The following CCSER1 variants were observed in gnomAD, a reference collection of about 807,000 sequenced individuals.
CCSER1 encodes serine-rich coiled-coil domain-containing protein 1.
In CCSER1, 41 loss-of-function variants were observed where a neutral mutation model predicts 82.0. That is an observed-to-expected ratio of 0.50 (90% CI 0.39 to 0.65). The LOEUF (loss-of-function observed/expected upper bound fraction) is 0.65, where lower values mean the gene tolerates loss of function less well. Ranked by LOEUF, CCSER1 falls within the 30% of genes least tolerant of loss-of-function variation. The pLI is 0.00. For missense variants in CCSER1, 1,119 were observed against 1,064.2 expected, an observed-to-expected ratio of 1.05 and a Z score of -0.72; for synonymous variants, 414 against 383.9, an observed-to-expected ratio of 1.08 and a Z score of -0.92.
chr4:90,933,336 C>T (rs571200534), intron 9 of CCSER1, among the ~76,000 whole-genome samples: 2,981 of 151,380 alleles, frequency 0.02, 37 homozygotes, highest in Non-Finnish European at 0.032. Context: ...TACAGGCGCC[C>T]GCCACCACGC....
chr4:90,398,163 C>G (rs994526731), intron 3 of CCSER1, among the ~76,000 whole-genome samples: 1 of 152,160 alleles, frequency 6.6e-6, no homozygotes, highest in African/African-American at 2.4e-5. Context: ...CTTCATCACT[C>G]TCTGTGTGTG....
chr4:90,982,633 CA>C (rs70965464), intron 9 of CCSER1, among the ~76,000 whole-genome samples: 4,128 of 150,626 alleles, frequency 0.027, 186 homozygotes, highest in African/African-American at 0.095. Context: ...AGCATCTAAA[CA>C]AAAAAAAATT....
intron 4 of CCSER1, among the ~76,000 whole-genome samples, chr4:90,416,530 C>A (rs1715794879): frequency 6.6e-6 from 1 of 152,242 alleles, no homozygotes; most frequent in East Asian, 1.9e-4. Context: ...ATAATCCTAT[C>A]TAAATGAGTG....
At chr4:91,184,418 T>A (rs1734335151) in intron 10 of CCSER1, among the ~76,000 whole-genome samples, 1 of 152,220 alleles carries the variant, frequency 6.6e-6, no homozygotes, top group African/African-American at 2.4e-5. Flanking sequence ...TTTTTTGGAA[T>A]TATAGCAGGA....
At chr4:91,080,130 C>T (rs1348558279) in intron 9 of CCSER1, among the ~76,000 whole-genome samples, 1 of 152,224 alleles carries the variant, frequency 6.6e-6, no homozygotes, top group Non-Finnish European at 1.5e-5. Context: ...CTAAGCACCA[C>T]ATCACACTTA....
intron 10 of CCSER1, among the ~76,000 whole-genome samples, chr4:91,352,685 G>A (rs111755935): frequency 0.02 from 3,023 of 152,250 alleles, 90 homozygotes; most frequent in African/African-American, 0.067. Context: ...TATGCTTACC[G>A]TTAAAAGTGA....
chr4:91,032,931 T>G (rs1364212301), intron 9 of CCSER1, among the ~76,000 whole-genome samples: 2 of 152,332 alleles, frequency 1.3e-5, no homozygotes, highest in African/African-American at 2.4e-5. Context: ...GCAAGACTTC[T>G]TTGGTAGTTC....
intron 10 of CCSER1, among the ~76,000 whole-genome samples, chr4:91,369,088 T>C (rs920207569): frequency 1.3e-5 from 2 of 152,210 alleles, no homozygotes; most frequent in African/African-American, 4.8e-5. Flanking sequence ...CTTTTATCCC[T>C]GTTCTTTTGA....
At chr4:90,270,139 G>A (rs1578860323) in intron 1 of CCSER1, among the ~76,000 whole-genome samples, 1 of 152,098 alleles carries the variant, frequency 6.6e-6, no homozygotes, top group East Asian at 1.9e-4. Flanking sequence ...AAATATTATA[G>A]GAAGTGGGAA....
chr4:90,608,019 C>T (rs1054130546), intron 5 of CCSER1, among the ~76,000 whole-genome samples: 4 of 152,220 alleles, frequency 2.6e-5, no homozygotes, highest in Non-Finnish European at 5.9e-5. Flanking sequence ...TGACTCCTCA[C>T]ATTTCCTAAG....
chr4:90,205,443 C>T (rs6830506), intron 1 of CCSER1, among the ~76,000 whole-genome samples: 85,878 of 151,934 alleles, frequency 0.57, 24,921 homozygotes, highest in African/African-American at 0.69. Flanking sequence ...TTTTCTGCAT[C>T]TATTGAGATA....
chr4:91,521,977 T>A (rs947492738), intron 10 of CCSER1, among the ~76,000 whole-genome samples: 1 of 152,208 alleles, frequency 6.6e-6, no homozygotes, highest in Non-Finnish European at 1.5e-5. Flanking sequence ...CTGAATGGTA[T>A]TGCCTAGATT....
chr4:90,777,646 T>C (rs888291417), intron 7 of CCSER1, among the ~76,000 whole-genome samples: 2 of 152,160 alleles, frequency 1.3e-5, no homozygotes, highest in East Asian at 1.9e-4. Context: ...CTGTACAATA[T>C]AGATATTAAT....
At chr4:91,276,253 T>C (rs1742427698) in intron 10 of CCSER1, among the ~76,000 whole-genome samples, 1 of 151,520 alleles carries the variant, frequency 6.6e-6, no homozygotes, top group South Asian at 2.1e-4. Context: ...TTGGGTAGTA[T>C]AGTTACATTA....
At chr4:90,900,213 G>C (rs2150146302) in intron 8 of CCSER1, among the ~76,000 whole-genome samples, 1 of 151,154 alleles carries the variant, frequency 6.6e-6, no homozygotes, top group East Asian at 2.0e-4. Flanking sequence ...GCAGTTCCAG[G>C]AATTTATCCA....
At chr4:91,493,928 C>G (rs1333380125) in intron 10 of CCSER1, among the ~76,000 whole-genome samples, 1 of 151,796 alleles carries the variant, frequency 6.6e-6, no homozygotes. Context: ...TATCTTTCCA[C>G]AGGGGAGCAC....
chr4:90,352,120 C>T (rs1743561579), intron 3 of CCSER1, among the ~76,000 whole-genome samples: 1 of 151,974 alleles, frequency 6.6e-6, no homozygotes, highest in Non-Finnish European at 1.5e-5. Context: ...GTCAGGAGAT[C>T]GAAACCATCC....
intron 9 of CCSER1, among the ~76,000 whole-genome samples, chr4:90,929,125 C>T (rs548114248): frequency 1.3e-4 from 20 of 152,108 alleles, no homozygotes; most frequent in Non-Finnish European, 1.5e-4. Flanking sequence ...GATTTATATG[C>T]TTTAAATGTA....
intron 10 of CCSER1, among the ~76,000 whole-genome samples, chr4:91,359,240 A>G (rs1049179171): frequency 5.3e-5 from 8 of 151,942 alleles, no homozygotes; most frequent in African/African-American, 1.9e-4. Flanking sequence ...CAATGTCTGT[A>G]ATCTATGAAT....
Sources: gnomAD v4.1 joint callset for allele counts (sites outside exome capture counted in the v4.1 genomes callset) on GRCh38, gnomAD v4.1.1 for gene constraint, MANE v1.5 for transcripts, NCBI Gene and HGNC (gene_info 2026-07-23, HGNC 2026-07-21) for gene names.